NEB: variants seen among roughly 807,000 people sequenced by gnomAD.
The protein encoded by NEB is nemaline myopathy type 2.
Under a neutral mutation model 952.2 loss-of-function variants are expected in NEB, and 512 were observed. That is an observed-to-expected ratio of 0.54 (90% CI 0.50 to 0.58). The LOEUF (loss-of-function observed/expected upper bound fraction) is 0.58. Among genes scored for constraint, NEB ranks in the 20% least tolerant of loss-of-function variants. NEB has a pLI of 0.00. For synonymous variants in NEB, 2,900 were observed against 3,149.8 expected (o/e 0.92, Z 2.66); for missense variants, 8,428 against 9,231.1 (o/e 0.91, Z 3.56).
rs774786443 is a variant in NEB at position 151,639,325 on chromosome 2, T to G, written c.8949A>C (p.Thr2983=). ...TCATTCTTGCCAACATAATTTCTGG[T>G]GTGTCTGGCATTATGTGGATCTGAG... ...DKTQIHIMPD[T]PEIMLARMNK... Residue 2983 remains threonine, a synonymous_variant, in exon 63 of 182, where the codon ACA becomes ACC. Coordinates refer to ENST00000397345, the MANE Select transcript of NEB (RefSeq NM_001164508.2). The G allele has an allele frequency of 5.2e-6, 8 of 1,545,364 alleles. No individual in the cohort carries two copies. Among genetic ancestry groups the G allele is most frequent in the Admixed American group, 2.0e-5 (1 of 51,134 alleles).
intron 173 of NEB, 37 bp from the exon 174 acceptor site, chr2:151,494,290 A>AAAAG: frequency 7.2e-7 from 1 of 1,398,368 alleles, no homozygotes; most frequent in Non-Finnish European, 9.9e-7. Context: ...GCCAAAAAGA[A>AAAAG]AAAGAGTTAA....
intron 34 of NEB, among the ~76,000 whole-genome samples, chr2:151,676,327 AC>A (rs986847708): frequency 6.6e-6 from 1 of 152,156 alleles, no homozygotes; most frequent in Non-Finnish European, 1.5e-5. Context: ...TGCCATTGCT[AC>A]TGCCTTAGCT....
chr2:151,498,071 T>G (rs1015757924), intron 170 of NEB, 189 bp downstream of exon 170: 1 of 1,459,732 alleles, frequency 6.9e-7, no homozygotes, highest in African/African-American at 1.4e-5. Context: ...CATGTTTGTT[T>G]GTAAATATCA....
rs770322824 is a variant in NEB at position 151,723,425 on chromosome 2, G to A, written c.674C>T (p.Pro225Leu). 42 of 1,610,148 alleles carry A rather than the reference G, an allele frequency of 2.6e-5. No homozygotes were observed. Among genetic ancestry groups the A allele is most frequent in the East Asian group, 6.7e-5 (3 of 44,812 alleles). The change falls in exon 9 of 182, where the codon CCG becomes CTG. Residue 225 changes from proline (P) to leucine (L), a missense_variant. Pro to Leu is a moderately conservative substitution (Grantham distance 98). This residue lies in a region of NEB where 2,851 missense variants were observed against 2,791.5 expected (regional missense o/e 1.02). Coordinates refer to ENST00000397345, the MANE Select transcript of NEB (RefSeq NM_001164508.2). ...KSLFYPYNDS[P>L]ELRRVAQAQK... The stretch of plus-strand genomic sequence containing the variant: ...GGCCTGGGCAACTCTCCTCAGTTCC[G>A]GGCTATCATTATAGGGGTAAAACAA...
At chr2:151,648,353 A>G (rs2098987982) in intron 54 of NEB, among the ~76,000 whole-genome samples, 1 of 152,148 alleles carries the variant, frequency 6.6e-6, no homozygotes, top group South Asian at 2.1e-4. Flanking sequence ...GACCCTCAGC[A>G]CCCAAACAAA....
intron 58 of NEB, 118 bp downstream of exon 58, chr2:151,643,030 TAA>T: frequency 8.1e-7 from 1 of 1,235,082 alleles, no homozygotes; most frequent in Non-Finnish European, 1.1e-6. Flanking sequence ...CACAATACTT[TAA>T]AACCACATTA....
intron 107 of NEB, among the ~76,000 whole-genome samples, chr2:151,571,763 G>A (rs565775242): frequency 3.3e-5 from 5 of 152,146 alleles, no homozygotes; most frequent in African/African-American, 9.6e-5. Flanking sequence ...AGAGAGACTC[G>A]GAAATAATAG....
rs1159064220 is a variant in NEB, at chr2:151,532,580, AG to A, written c.21418-685del. On this transcript the variant is annotated intron_variant, in intron 143 of 181. Transcript: ENST00000397345. ...ATAAAATTTCATGCACAACTATTTG[AG>A]GATCATATAAGGACAAAGGAGGAAG... Among the ~76,000 whole-genome samples, 3 of 152,130 alleles carry A rather than the reference AG, an allele frequency of 2.0e-5. No homozygotes were observed. In the East Asian group the frequency reaches 5.8e-4, roughly 29 times the overall value.
Position 151,669,070 on chromosome 2 carries a change from G to A in NEB, c.4568C>T (p.Pro1523Leu), listed in dbSNP as rs1377237807. The A allele has an allele frequency of 1.3e-6, 2 of 1,596,774 alleles. No individual in the cohort carries two copies. Among genetic ancestry groups the A allele is most frequent in the Non-Finnish European group, 8.5e-7 (1 of 1,170,732 alleles). Residue 1523 changes from proline (P) to leucine (L), a missense_variant, in exon 39 of 182, where the codon CCT (proline) becomes CTT (leucine). Transcript: ENST00000397345. ...KHKYTIDPEL[P>L]QFIQAKVNAL... ...GTTGACTTTGGCTTGAATAAACTGA[G>A]GCAATTCAGGGTCAATAGTATACTT... is the stretch of plus-strand genomic sequence containing the variant.
At chr2:151,675,151 T>A in intron 35 of NEB, 136 bp downstream of exon 35, 1 of 721,076 alleles carries the variant, frequency 1.4e-6, no homozygotes, top group Admixed American at 2.2e-5. Flanking sequence ...TAAAGAACCA[T>A]CCTTATGGGA....
In NEB at chr2:151,560,687, C is replaced by T. The variant is rs144539316; in HGVS notation, c.19219G>A (p.Glu6407Lys). ...KNLYSSNLYK[E>K]AWDRVKATSY... is the part of the protein sequence containing the mutation. Reference sequence around the variant, plus strand: ...GTGGCTTTCACTCTATCCCAGGCCTCCTTGTACAGGTTCTGCAGGAATTAA... The same window carrying T: ...GTGGCTTTCACTCTATCCCAGGCCTTCTTGTACAGGTTCTGCAGGAATTAA... Residue 6407 changes from glutamate to lysine, a missense_variant, in exon 124 of 182, where the codon GAG becomes AAG. Coordinates refer to ENST00000397345, the MANE Select transcript of NEB (RefSeq NM_001164508.2). 1.5e-4 allele frequency: 239 copies of T among 1,610,612 alleles called. No homozygotes were observed. The African/African-American group carries it at 2.8e-3, about 19-fold the overall frequency.
intron 107 of NEB, among the ~76,000 whole-genome samples, chr2:151,572,223 G>A (rs1394252941): frequency 4.6e-5 from 7 of 152,066 alleles, no homozygotes; most frequent in African/African-American, 1.2e-4. Context: ...TAGAGATGCT[G>A]AGGCAGGAGC....
At chr2:151,653,784 C>T (rs892622362) in intron 52 of NEB, among the ~76,000 whole-genome samples, 3 of 152,026 alleles carry the variant, frequency 2.0e-5, no homozygotes, top group Non-Finnish European at 2.9e-5. Flanking sequence ...TCTTAGAGGT[C>T]GTCTGGCCCG....
In NEB at chr2:151,499,387, A is replaced by G; in HGVS notation, c.24025T>C (p.Leu8009=). The change falls in exon 169 of 182, where the codon TTG becomes CTG. Residue 8009 remains leucine, a synonymous_variant. Transcript: ENST00000397345. The part of the protein sequence containing the change: ...KLNQENFSSV[L]YKENVGKGIP... ...CCTTTTCCAACGTTTTCTTTATACA[A>G]CACCTGTATGACACAAGAAAGCATC... 1.3e-6 allele frequency: 2 copies of G among 1,521,246 alleles called. No homozygotes were observed. The highest frequency in any genetic ancestry group is 1.2e-5 in the South Asian group (1 of 83,432). 94.2% of individuals were successfully genotyped at this position (1,521,246 alleles called of 1,614,324 possible).
chr2:151,654,771 T>C (rs901064877), intron 51 of NEB, among the ~76,000 whole-genome samples: 1 of 152,190 alleles, frequency 6.6e-6, no homozygotes, highest in Non-Finnish European at 1.5e-5. Context: ...AGATAGGTAA[T>C]TGAGTTACCC....
At chr2:151,620,893 A>G (rs1181248762) in intron 72 of NEB, 26 bp downstream of exon 72, 4 of 1,545,878 alleles carry the variant, frequency 2.6e-6, no homozygotes, top group Non-Finnish European at 3.6e-6. Flanking sequence ...GATGGTAAGA[A>G]ATGTTAGGAC....
rs987737131 is a variant in NEB, at chr2:151,569,176, G to C, written c.17535+92C>G. On this transcript the variant is annotated intron_variant, in intron 110 of 181. Coordinates refer to ENST00000397345, the MANE Select transcript of NEB (RefSeq NM_001164508.2). ...AAATCACAGCAATTGAAATGGTTAA[G>C]ATTGCTGATATTAGATGACTATATT... The C allele has an allele frequency of 3.1e-5, 32 of 1,024,560 alleles. 1 individual carries two copies. The allele number at this position is 1,024,560 out of a possible 1,614,324, so 63.5% of individuals were successfully genotyped here.
Position 151,679,929 on chromosome 2 carries a change from T to C in NEB, c.3136A>G (p.Asn1046Asp), listed in dbSNP as rs200564629. 9 of 1,612,830 alleles carry C rather than the reference T, an allele frequency of 5.6e-6. No homozygotes were observed. The African/African-American group carries it at 6.7e-5, about 12-fold the overall frequency. ...QFIQAKVNAY[N>D]ISENMYKADL... ...GTCCACCCACGCACCTCACTGATAT[T>C]GTAGGCATTAACTTTAGCCTGGATG... is the stretch of plus-strand genomic sequence containing the variant. Residue 1046 changes from asparagine (N) to aspartate (D), a missense_variant, in exon 31 of 182, where the codon AAT (asparagine) becomes GAT (aspartate). By Grantham distance (23) the Asn-to-Asp change is conservative. This residue lies in a region of NEB where 2,851 missense variants were observed against 2,791.5 expected (regional missense o/e 1.02). Coordinates refer to ENST00000397345, the MANE Select transcript of NEB (RefSeq NM_001164508.2).
At chr2:151,562,301 T>C in intron 120 of NEB, 87 bp from the exon 121 acceptor site, 1 of 1,145,872 alleles carries the variant, frequency 8.7e-7, no homozygotes, top group Non-Finnish European at 1.3e-6. Context: ...CTGTTGGCTG[T>C]GCTTATTGCT....
Sources: gnomAD v4.1 joint callset for allele counts (sites outside exome capture counted in the v4.1 genomes callset) on GRCh38, gnomAD v4.1.1 for gene constraint, gnomAD v4.1.1 regional missense constraint, MANE v1.5 for transcripts, NCBI Gene and HGNC (gene_info 2026-07-23, HGNC 2026-07-21) for gene names.